Variants in RASEF observed in about 807,000 individuals in gnomAD.
RASEF encodes RAS and EF-hand domain containing, also known as ras and EF-hand domain-containing protein.
Under a neutral mutation model 90.1 loss-of-function variants are expected in RASEF, and 68 were observed. The observed-to-expected ratio is 0.75, with a 90% CI of 0.62 to 0.92. The LOEUF (loss-of-function observed/expected upper bound fraction) is 0.92. Ranked by LOEUF, RASEF falls within the 40% of genes least tolerant of loss-of-function variation. RASEF has a pLI of 0.00. For missense variants in RASEF, 949 were observed against 937.2 expected (o/e 1.01, Z -0.16); for synonymous variants, 331 against 345.2 (o/e 0.96, Z 0.46).
chr9:83,096,208 T>C, the RASEF span, among the ~76,000 whole-genome samples: 1 of 152,154 alleles, frequency 6.6e-6, no homozygotes, highest in African/African-American at 2.4e-5. Context: ...CTCCCTTTTC[T>C]AAGCAAGAAA....
At chr9:83,045,052 C>T (rs1011042392) in intron 1 of RASEF, among the ~76,000 whole-genome samples, 1 of 152,236 alleles carries the variant, frequency 6.6e-6, no homozygotes, top group African/African-American at 2.4e-5. Flanking sequence ...CCAGCCTCCA[C>T]AGTCACACGA....
In RASEF at chr9:83,062,835, G is replaced by C. The variant is rs768734649; in HGVS notation, c.33C>G (p.Ala11=). The C allele has an allele frequency of 2.6e-6, 4 of 1,545,802 alleles. No individual in the cohort carries two copies. In the South Asian group the frequency reaches 3.6e-5, roughly 14 times the overall value. MEADGDGEEL[A]RLRSVFAACD... is the part of the protein sequence containing the mutation. ...AGGCGGCGAAGACTGAGCGCAGCCGGGCCAGCTCCTCTCCGTCCCCATCCG... is the reference window on the plus strand; with the variant it reads ...AGGCGGCGAAGACTGAGCGCAGCCGCGCCAGCTCCTCTCCGTCCCCATCCG... The change falls in exon 1 of 17, where the codon GCC becomes GCG. Residue 11 remains alanine (A), a synonymous_variant. Coordinates refer to ENST00000376447, the MANE Select transcript of RASEF (RefSeq NM_152573.4).
chr9:83,046,919 T>G (rs960008003), intron 1 of RASEF, among the ~76,000 whole-genome samples: 3 of 151,992 alleles, frequency 2.0e-5, no homozygotes, highest in Admixed American at 2.0e-4. Flanking sequence ...AATAACTCCT[T>G]TCATACTTTT....
chr9:83,009,162 T>C (rs1434912292), intron 6 of RASEF, among the ~76,000 whole-genome samples: 1 of 151,854 alleles, frequency 6.6e-6, no homozygotes, highest in Non-Finnish European at 1.5e-5. Context: ...GCATTTTATA[T>C]TTACCATCCA....
the RASEF span, among the ~76,000 whole-genome samples, chr9:83,069,359 A>C: frequency 6.6e-6 from 1 of 152,284 alleles, no homozygotes; most frequent in East Asian, 1.9e-4. Flanking sequence ...GGTCACCACC[A>C]ACCTACTCTT....
At chr9:83,213,919 A>G in the RASEF span, among the ~76,000 whole-genome samples, 1 of 152,214 alleles carries the variant, frequency 6.6e-6, no homozygotes, top group African/African-American at 2.4e-5. Flanking sequence ...GGTACAGCAC[A>G]TTAAAAATAC....
At chr9:83,029,417 G>C in intron 1 of RASEF, among the ~76,000 whole-genome samples, 1 of 134,328 alleles carries the variant, frequency 7.4e-6, no homozygotes, top group East Asian at 2.2e-4. Context: ...TTTTGAAACT[G>C]AGTCTCGCTC....
At position 83,055,782 on chromosome 9, in the gene RASEF, T is replaced by C. The variant is rs964143713; in HGVS notation, c.431+6655A>G. On this transcript the variant is annotated intron_variant, in intron 1 of 16. Transcript: ENST00000376447. ...ATTGCCAAAATGAAAATAAGAATAT[T>C]TGGTCTCCTAAAACTCCCAAAGATA... 4.6e-6 allele frequency: 3 copies of C among 645,334 alleles called. No individual in the cohort carries two copies. The African/African-American group carries it at 5.4e-5, about 12-fold the overall frequency. The allele number at this position is 645,334 out of a possible 1,614,324, so 40.0% of individuals were successfully genotyped here. A position where few individuals can be genotyped will look rare whatever the true frequency, so the allele number is the denominator to read the frequency against.
At chr9:83,012,333 T>C in intron 5 of RASEF, 101 bp downstream of exon 5, 2 of 571,384 alleles carry the variant, frequency 3.5e-6, no homozygotes, top group Non-Finnish European at 3.0e-6. Flanking sequence ...ACTACAGTAT[T>C]AACTTCCCTT....
At chr9:83,003,949 G>T (rs540882137) in intron 9 of RASEF, among the ~76,000 whole-genome samples, 6 of 152,016 alleles carry the variant, frequency 3.9e-5, no homozygotes, top group African/African-American at 9.7e-5. Flanking sequence ...GTAATAAAAG[G>T]CCTAATATTT....
the RASEF span, among the ~76,000 whole-genome samples, chr9:83,176,280 A>G: frequency 2.0e-5 from 3 of 152,080 alleles, no homozygotes; most frequent in Non-Finnish European, 4.4e-5. Flanking sequence ...CTGTTTTAAT[A>G]TCTGTTTGTC....
chr9:83,057,481 A>G (rs1830121893), intron 1 of RASEF, among the ~76,000 whole-genome samples: 1 of 152,248 alleles, frequency 6.6e-6, no homozygotes, highest in Admixed American at 6.5e-5. Flanking sequence ...CATTAAAGAG[A>G]AAAAGCAAAA....
At chr9:83,174,376 A>G in the RASEF span, among the ~76,000 whole-genome samples, 1 of 152,116 alleles carries the variant, frequency 6.6e-6, no homozygotes, top group Admixed American at 6.6e-5. Context: ...GTGGATAGCC[A>G]GTTGTCATAG....
intron 15 of RASEF, 27 bp downstream of exon 15, chr9:82,992,879 C>A: frequency 6.2e-7 from 1 of 1,611,250 alleles, no homozygotes; most frequent in Non-Finnish European, 8.5e-7. Flanking sequence ...ATGTTCTCTT[C>A]TAATTCTGAG....
chr9:83,195,418 A>G, the RASEF span, among the ~76,000 whole-genome samples: 2 of 152,116 alleles, frequency 1.3e-5, no homozygotes, highest in African/African-American at 2.4e-5. Context: ...TGGGAAAGTC[A>G]ATCTCATTTA....
the RASEF span, among the ~76,000 whole-genome samples, chr9:83,160,545 A>C: frequency 6.6e-6 from 1 of 152,220 alleles, no homozygotes; most frequent in Non-Finnish European, 1.5e-5. Flanking sequence ...AAGTTTTGTA[A>C]GAGAGGCAGA....
chr9:83,186,014 C>T, the RASEF span, among the ~76,000 whole-genome samples: 1 of 152,162 alleles, frequency 6.6e-6, no homozygotes, highest in Admixed American at 6.5e-5. Flanking sequence ...ATCCCTGCGT[C>T]GTTTTCCCTT....
chr9:83,163,781 G>C, the RASEF span, among the ~76,000 whole-genome samples: 3 of 151,986 alleles, frequency 2.0e-5, no homozygotes, highest in Non-Finnish European at 4.4e-5. Flanking sequence ...AGAAGAAAAA[G>C]AGAAAGGAGT....
At chr9:83,102,680 A>C in the RASEF span, among the ~76,000 whole-genome samples, 1 of 152,156 alleles carries the variant, frequency 6.6e-6, no homozygotes, top group Non-Finnish European at 1.5e-5. Context: ...TCCCACTGGA[A>C]GACAGACATG....
Sources: allele counts gnomAD v4.1 joint callset (sites outside exome capture counted in the v4.1 genomes callset), GRCh38; gene constraint gnomAD v4.1.1; transcripts MANE v1.5; gene names NCBI Gene and HGNC (gene_info 2026-07-23, HGNC 2026-07-21).